ZNF596: variants seen among roughly 807,000 people sequenced by gnomAD.
ZNF596 encodes zinc finger protein 596.
In ZNF596, 45 loss-of-function variants were observed where a neutral mutation model predicts 48.3. The observed-to-expected ratio is 0.93, with a 90% CI of 0.73 to 1.19. ZNF596 has a LOEUF of 1.19. Ranked by LOEUF, ZNF596 falls within the 50% of genes most tolerant of loss-of-function variation. The probability of loss-of-function intolerance (pLI) is 0.00; values close to 1 mark genes in which losing one functional copy is unlikely to be tolerated. For synonymous variants in ZNF596, 270 were observed against 202.0 expected (o/e 1.34, Z -2.85); for missense variants, 848 against 599.7 (o/e 1.41, Z -4.32).
chr8:240,186 T>G (rs1796794953), intron 1 of ZNF596: 1 of 152,218 alleles, frequency 6.6e-6, no homozygotes, highest in African/African-American at 2.4e-5. Flanking sequence ...AGGAACTCCC[T>G]TTAGCATTTC....
chr8:236,056 C>G (rs1294844916), intron 1 of ZNF596, among the ~76,000 whole-genome samples: 2 of 152,146 alleles, frequency 1.3e-5, no homozygotes. Context: ...TTTTATGTCA[C>G]TATGTCCTCC....
chr8:246,459 A>G lies in ZNF596; in HGVS notation c.*97A>G. On this transcript the variant is annotated 3_prime_UTR_variant, in exon 6 of 6. Transcript: ENST00000398612. ...TCAGTGTGGAAAAGCCTTTATTTAT[A>G]TTTACCACTTTGCTCAACCTAAATG... 6.9e-7 allele frequency: 1 copy of G among 1,447,222 alleles called. No individual in the cohort carries two copies. The highest frequency in any genetic ancestry group is 9.2e-7 in the Non-Finnish European group (1 of 1,086,784). The allele number at this position is 1,447,222 out of a possible 1,614,324, so 89.6% of individuals were successfully genotyped here.
chr8:238,715 G>C (rs1796724322), intron 1 of ZNF596, among the ~76,000 whole-genome samples: 1 of 151,674 alleles, frequency 6.6e-6, no homozygotes, highest in African/African-American at 2.4e-5. Context: ...GCTGAGGCAG[G>C]AGAATCACTT....
chr8:243,660 G>T, intron 3 of ZNF596, 62 bp from the exon 4 acceptor site: 2 of 1,559,182 alleles, frequency 1.3e-6, no homozygotes, highest in South Asian at 2.3e-5. Flanking sequence ...CCCTGTATCT[G>T]ATAACCTTGT....
At chr8:243,564 T>C in intron 3 of ZNF596, 158 bp from the exon 4 acceptor site, 2 of 581,884 alleles carry the variant, frequency 3.4e-6, no homozygotes, top group East Asian at 2.9e-5. Context: ...GTTTTCATTT[T>C]GCTCGTGAAG....
chr8:245,439 C>A lies in ZNF596; in HGVS notation c.592C>A (p.Arg198Ser), dbSNP rs368193559. The A allele has an allele frequency of 1.9e-6, 3 of 1,614,150 alleles. No individual in the cohort carries two copies. The highest frequency in any genetic ancestry group is 2.2e-5 in the East Asian group (1 of 44,876). ...THTREITLEC[R>S]VCGKTFSKNS... ...CACTAGAGAGATAACATTGGAATGT[C>A]GTGTGTGTGGGAAAACCTTTAGCAA... Residue 198 changes from arginine to serine, a missense_variant, in exon 6 of 6, where the codon CGT becomes AGT. Coordinates refer to ENST00000398612, the MANE Select transcript of ZNF596 (RefSeq NM_001042416.3).
intron 1 of ZNF596, among the ~76,000 whole-genome samples, chr8:239,433 G>C (rs1221015341): frequency 2.0e-5 from 3 of 152,176 alleles, no homozygotes; most frequent in Non-Finnish European, 4.4e-5. Flanking sequence ...CTGACCTCAG[G>C]TGATCCTCCT....
At chr8:234,751 A>G (rs1476984256) in intron 1 of ZNF596, 2 of 152,182 alleles carry the variant, frequency 1.3e-5, no homozygotes, top group African/African-American at 2.4e-5. Flanking sequence ...ACTGTGACCC[A>G]GTGAATTCGA....
At chr8:237,069 G>A (rs1382948981) in intron 1 of ZNF596, 1 of 149,270 alleles carries the variant, frequency 6.7e-6, no homozygotes, top group African/African-American at 2.5e-5. Context: ...AGATTTTTGT[G>A]CTGATTAATG....
chr8:233,089 A>G, intron 1 of ZNF596: 1 of 468,372 alleles, frequency 2.1e-6, no homozygotes, highest in Non-Finnish European at 4.4e-6. Flanking sequence ...GGAGGGAGGT[A>G]GAGCCAACGA....
intron 2 of ZNF596, among the ~76,000 whole-genome samples, chr8:241,304 C>A (rs1271415624): frequency 6.6e-6 from 1 of 151,994 alleles, no homozygotes. Flanking sequence ...CAGGTTATAG[C>A]CCATACAAAG....
At chr8:244,580 A>G in intron 4 of ZNF596, 39 bp from the exon 5 acceptor site, 1 of 1,442,448 alleles carries the variant, frequency 6.9e-7, no homozygotes, top group South Asian at 1.2e-5. Flanking sequence ...TTATTCCCCT[A>G]ATGCCTATAT....
Position 240,847 on chromosome 8 carries a change from G to A in ZNF596, c.-49G>A. 1 of 1,611,964 alleles carries A rather than the reference G, an allele frequency of 6.2e-7. No individual in the cohort carries two copies. The highest frequency in any genetic ancestry group is 8.5e-7 in the Non-Finnish European group (1 of 1,178,066). ...AGATTTGTCTTCTTAGTGCTTGGATGGTGTGAGTGAAAACCCAGAGGAATA... is the reference window on the plus strand; with the variant it reads ...AGATTTGTCTTCTTAGTGCTTGGATAGTGTGAGTGAAAACCCAGAGGAATA... On this transcript the variant is annotated 5_prime_UTR_variant, in exon 2 of 6. It removes an upstream start codon present in the reference 5' UTR. Transcript: ENST00000398612.
intron 2 of ZNF596, 104 bp downstream of exon 2, chr8:241,011 C>T: frequency 7.2e-7 from 1 of 1,392,250 alleles, no homozygotes; most frequent in Non-Finnish European, 1.0e-6. Context: ...CTCAAGGATC[C>T]AAGCTCCAAT....
chr8:245,919 AATG>A lies in ZNF596; in HGVS notation c.1073_1075del (p.Asn358_Gly359delinsArg), dbSNP rs1373823184. 6.2e-7 allele frequency: 1 copy of A among 1,614,098 alleles called. No individual in the cohort carries two copies. The highest frequency in any genetic ancestry group is 1.1e-5 in the South Asian group (1 of 91,072). On this transcript the variant is annotated inframe_deletion, in exon 6 of 6. Coordinates refer to ENST00000398612, the MANE Select transcript of ZNF596 (RefSeq NM_001042416.3). ...CCTTAGACAACATGAGCGAAGTCAC[AATG>A]GAGAGAAACCACATGGATGTCATCT...
intron 1 of ZNF596, among the ~76,000 whole-genome samples, chr8:236,467 C>T (rs1796617616): frequency 6.6e-6 from 1 of 152,140 alleles, no homozygotes; most frequent in South Asian, 2.1e-4. Context: ...ATGGCATCAG[C>T]CTCACCCAGC....
chr8:235,363 G>A (rs1386490482), intron 1 of ZNF596, among the ~76,000 whole-genome samples: 1 of 152,090 alleles, frequency 6.6e-6, no homozygotes, highest in Non-Finnish European at 1.5e-5. Flanking sequence ...AATAAATGGT[G>A]CATTTTATAA....
At chr8:244,580 A>T in intron 4 of ZNF596, 39 bp from the exon 5 acceptor site, 1 of 1,442,448 alleles carries the variant, frequency 6.9e-7, no homozygotes. Flanking sequence ...TTATTCCCCT[A>T]ATGCCTATAT....
rs1584908149 is a variant in ZNF596 at position 240,922 on chromosome 8, C to A, written c.12+15C>A. On this transcript the variant is annotated intron_variant, in intron 2 of 5. Transcript: ENST00000398612. Reference sequence around the variant, plus strand: ...TGCCATCACCGGTGAGTGGGAAATTCTTCTTTCTACTGAAATTTGTACCCC... The same window carrying A: ...TGCCATCACCGGTGAGTGGGAAATTATTCTTTCTACTGAAATTTGTACCCC... 2 of 1,613,992 alleles carry A rather than the reference C, an allele frequency of 1.2e-6. No homozygotes were observed. Among genetic ancestry groups the A allele is most frequent in the Non-Finnish European group, 1.7e-6 (2 of 1,179,916 alleles).
Sources: allele counts gnomAD v4.1 joint callset (sites outside exome capture counted in the v4.1 genomes callset), GRCh38; gene constraint gnomAD v4.1.1; transcripts MANE v1.5; gene names NCBI Gene and HGNC (gene_info 2026-07-23, HGNC 2026-07-21).